The following RALGAPA1 variants were observed in gnomAD, a reference collection of about 807,000 sequenced individuals.
RALGAPA1 encodes the protein ral GTPase-activating protein subunit alpha-1.
Under a neutral mutation model 269.6 loss-of-function variants are expected in RALGAPA1, and 52 were observed. That is an observed-to-expected ratio of 0.19 (90% CI 0.15 to 0.24). RALGAPA1 has a LOEUF of 0.24. Ranked by LOEUF, RALGAPA1 falls within the 10% of genes least tolerant of loss-of-function variation. RALGAPA1 has a pLI of 1.00. For missense variants in RALGAPA1, 1,917 were observed against 3,013.9 expected, an observed-to-expected ratio of 0.64 and a Z score of 8.52; for synonymous variants, 817 against 1,008.3, an observed-to-expected ratio of 0.81 and a Z score of 3.60.
At chr14:35,789,322 G>A (rs969291971) in intron 1 of RALGAPA1, among the ~76,000 whole-genome samples, 37 of 151,820 alleles carry the variant, frequency 2.4e-4, no homozygotes, top group Non-Finnish European at 1.0e-4. Context: ...CCTGATTGGT[G>A]GTGGCTCAGG....
Position 35,704,345 on chromosome 14 carries a change from C to A in RALGAPA1, c.2267-4043G>T, listed in dbSNP as rs145771429. 4.8e-3 allele frequency among the ~76,000 whole-genome samples: 731 copies of A among 152,214 alleles called. 7 individuals are homozygous for A. The highest frequency in any genetic ancestry group is 0.016 in the African/African-American group (675 of 41,554). The stretch of plus-strand genomic sequence containing the variant: ...AGCAAAACCACAGACATACTCTCCA[C>A]ATTTTTTACATTTTAAACTTAACTA... On this transcript the variant is annotated intron_variant, in intron 16 of 41. Transcript: ENST00000680220.
chr14:35,754,154 A>G (rs1475741984), intron 7 of RALGAPA1, among the ~76,000 whole-genome samples: 1 of 152,224 alleles, frequency 6.6e-6, no homozygotes, highest in East Asian at 1.9e-4. Flanking sequence ...CTTCAAGAAC[A>G]AAACGTAGGA....
intron 36 of RALGAPA1, among the ~76,000 whole-genome samples, chr14:35,603,549 T>C (rs1170344386): frequency 1.3e-5 from 2 of 152,170 alleles, no homozygotes; most frequent in Non-Finnish European, 2.9e-5. Context: ...TGCACTGCCA[T>C]ATTTATTGCA....
chr14:35,786,941 T>C (rs2075840192), intron 1 of RALGAPA1, among the ~76,000 whole-genome samples: 11 of 152,214 alleles, frequency 7.2e-5, no homozygotes, highest in Admixed American at 7.2e-4. Flanking sequence ...CCAATCATCA[T>C]GCTTATGAAC....
chr14:35,653,624 T>C (rs2062987615), intron 30 of RALGAPA1, among the ~76,000 whole-genome samples: 1 of 152,178 alleles, frequency 6.6e-6, no homozygotes, highest in African/African-American at 2.4e-5. Context: ...GGCTTTATTT[T>C]ATAGCCAAAG....
Position 35,686,492 on chromosome 14 carries a change from T to TA in RALGAPA1, c.4077+49dup, listed in dbSNP as rs565290024. 196 of 1,502,456 alleles carry TA rather than the reference T, an allele frequency of 1.3e-4. 1 individual carries two copies. The South Asian group carries it at 1.4e-3, about 11-fold the overall frequency. The allele number at this position is 1,502,456 out of a possible 1,614,324, so 93.1% of individuals were successfully genotyped here. A position where few individuals can be genotyped will look rare whatever the true frequency, so the allele number is the denominator to read the frequency against. ...TATATGTACATAGGTATATATCTGT[T>TA]AGTTTTTCTACCCTCCTCTATAAAA... is the stretch of plus-strand genomic sequence containing the variant. On this transcript the variant is annotated intron_variant, in intron 19 of 41. Transcript: ENST00000680220.
intron 1 of RALGAPA1, among the ~76,000 whole-genome samples, chr14:35,787,765 G>A (rs1214617791): frequency 6.6e-6 from 1 of 151,020 alleles, no homozygotes; most frequent in African/African-American, 2.4e-5. Context: ...AAAAGTTGTA[G>A]AGATGGGGGT....
At chr14:35,696,745 T>C (rs2066933989) in intron 17 of RALGAPA1, among the ~76,000 whole-genome samples, 1 of 152,214 alleles carries the variant, frequency 6.6e-6, no homozygotes, top group Non-Finnish European at 1.5e-5. Flanking sequence ...TTGAGGTTTT[T>C]TTTTGGTGAA....
chr14:35,699,952 A>C (rs2067212646), intron 17 of RALGAPA1, among the ~76,000 whole-genome samples: 1 of 152,028 alleles, frequency 6.6e-6, no homozygotes, highest in Non-Finnish European at 1.5e-5. Flanking sequence ...ACATTGGCAC[A>C]GCACTAAACT....
chr14:35,689,807 G>T lies in RALGAPA1; in HGVS notation c.2604C>A (p.Ser868=). 6.4e-7 allele frequency: 1 copy of T among 1,567,392 alleles called. No individual in the cohort carries two copies. The highest frequency in any genetic ancestry group is 8.6e-7 in the Non-Finnish European group (1 of 1,164,700). Residue 868 remains serine (S), a synonymous_variant, in exon 18 of 42, where the codon TCC becomes TCA. Transcript: ENST00000680220. ...KGAVPVIDSS[S]RHAPSLQSST... is the part of the protein sequence containing the mutation. ...AACTCTGCAAGCTTGGTGCATGACG[G>T]GATGAACTGTCAATGACAGGAACTG...
At chr14:35,763,505 TA>T in intron 4 of RALGAPA1, among the ~76,000 whole-genome samples, 1 of 152,286 alleles carries the variant, frequency 6.6e-6, no homozygotes, top group Non-Finnish European at 1.5e-5. Flanking sequence ...AACTGTTTCA[TA>T]TAACTCATTT....
At chr14:35,744,514 A>C (rs1238127813) in intron 10 of RALGAPA1, among the ~76,000 whole-genome samples, 1 of 152,184 alleles carries the variant, frequency 6.6e-6, no homozygotes, top group Non-Finnish European at 1.5e-5. Flanking sequence ...GTATTAAATA[A>C]TAATCACGTG....
At chr14:35,617,550 G>A (rs1035620133) in intron 35 of RALGAPA1, among the ~76,000 whole-genome samples, 13 of 149,424 alleles carry the variant, frequency 8.7e-5, no homozygotes, top group Admixed American at 5.4e-4. Context: ...CCCCGAAGGC[G>A]GAGGTTGCAG....
chr14:35,783,928 T>C (rs1034633502), intron 1 of RALGAPA1, among the ~76,000 whole-genome samples: 3 of 152,036 alleles, frequency 2.0e-5, no homozygotes, highest in Non-Finnish European at 4.4e-5. Flanking sequence ...GTTGGCAATA[T>C]GGGAAAATTT....
intron 39 of RALGAPA1, among the ~76,000 whole-genome samples, chr14:35,562,375 C>CCAAGATGTGACA (rs1566686983): frequency 6.6e-6 from 1 of 152,118 alleles, no homozygotes; most frequent in Non-Finnish European, 1.5e-5. Context: ...ATGTGTCCTC[C>CCAAGATGTGACA]CCAAGTCATC....
At chr14:35,591,757 A>C (rs1348741147) in intron 37 of RALGAPA1, among the ~76,000 whole-genome samples, 1 of 152,206 alleles carries the variant, frequency 6.6e-6, no homozygotes, top group Non-Finnish European at 1.5e-5. Context: ...ATCCCTTGAT[A>C]CAGTTTGGCT....
At chr14:35,609,961 A>G (rs1057093460) in intron 35 of RALGAPA1, among the ~76,000 whole-genome samples, 3 of 151,004 alleles carry the variant, frequency 2.0e-5, no homozygotes, top group Admixed American at 6.6e-5. Flanking sequence ...AGAAAGCACA[A>G]TTAAATTCAA....
At chr14:35,649,866 A>G (rs949557362) in intron 31 of RALGAPA1, among the ~76,000 whole-genome samples, 2 of 152,186 alleles carry the variant, frequency 1.3e-5, no homozygotes, top group African/African-American at 4.8e-5. Flanking sequence ...GCAGAACGCC[A>G]CACTCATATT....
At chr14:35,760,080 G>C (rs889520647) in intron 6 of RALGAPA1, among the ~76,000 whole-genome samples, 1 of 152,016 alleles carries the variant, frequency 6.6e-6, no homozygotes, top group Non-Finnish European at 1.5e-5. Flanking sequence ...CATTTTCACA[G>C]TCATCTAATG....
Sources: gnomAD v4.1 joint callset for allele counts (sites outside exome capture counted in the v4.1 genomes callset) on GRCh38, gnomAD v4.1.1 for gene constraint, MANE v1.5 for transcripts, NCBI Gene and HGNC (gene_info 2026-07-23, HGNC 2026-07-21) for gene names.